Variants in UTP20 observed in about 807,000 individuals in gnomAD.
UTP20 encodes UTP20 small subunit processome component.
In UTP20, 164 loss-of-function variants were observed where a neutral mutation model predicts 329.5. The observed-to-expected ratio is 0.50, with a 90% CI of 0.44 to 0.57. The LOEUF (loss-of-function observed/expected upper bound fraction) is 0.57, where lower values mean the gene tolerates loss of function less well. UTP20 is among the 20% of genes least tolerant of loss of function. The probability of loss-of-function intolerance (pLI) is 0.00; values close to 1 mark genes in which losing one functional copy is unlikely to be tolerated. For missense variants in UTP20, 3,055 were observed against 3,284.2 expected (o/e 0.93, Z 1.71); for synonymous variants, 1,151 against 1,159.3 (o/e 0.99, Z 0.14).
chr12:101,379,518 C>G lies in UTP20; in HGVS notation c.7544C>G (p.Pro2515Arg). 2 of 1,613,894 alleles carry G rather than the reference C, an allele frequency of 1.2e-6. No individual in the cohort carries two copies. The highest frequency in any genetic ancestry group is 1.1e-5 in the South Asian group (1 of 91,052). The change falls in exon 57 of 62, where the codon CCT (proline) becomes CGT (arginine). Residue 2515 changes from proline to arginine, a missense_variant. Transcript: ENST00000261637. ...TKKTKKHLPE[P>R]VAIKFLASDL... ...AAGACCAAAAAACACCTCCCAGAAC[C>G]TGTAGCAATCAAGTTCCTAGCCAGT...
Position 101,353,024 on chromosome 12 carries a change from C to T in UTP20, c.5025-23C>T, listed in dbSNP as rs775946570. ...GATATTAATAATCAAATGAACATTT[C>T]TGTATACTTTTTTTTTTAACAGTTT... On this transcript the variant is annotated intron_variant, in intron 39 of 61. Coordinates refer to ENST00000261637, the MANE Select transcript of UTP20 (RefSeq NM_014503.3). 11 of 1,457,232 alleles carry T rather than the reference C, an allele frequency of 7.5e-6. No homozygotes were observed. In the East Asian group the frequency reaches 1.6e-4, roughly 21 times the overall value. 90.3% of individuals were successfully genotyped at this position (1,457,232 alleles called of 1,614,324 possible).
intron 25 of UTP20, among the ~76,000 whole-genome samples, chr12:101,324,459 T>G (rs954851114): frequency 6.6e-6 from 1 of 152,028 alleles, no homozygotes; most frequent in Non-Finnish European, 1.5e-5. Flanking sequence ...TTTTGTATTT[T>G]TTTGTAGAGA....
chr12:101,289,784 G>A (rs1318818166), intron 6 of UTP20: 2 of 152,246 alleles, frequency 1.3e-5, no homozygotes, highest in Admixed American at 6.5e-5. Context: ...GAGGGTTTTT[G>A]TAATAAAACA....
intron 10 of UTP20, 106 bp downstream of exon 10, chr12:101,292,210 G>C: frequency 8.0e-7 from 1 of 1,254,378 alleles, no homozygotes; most frequent in Non-Finnish European, 1.1e-6. Flanking sequence ...TGCCCTCAAG[G>C]AATTTATAAT....
At chr12:101,349,279 C>T (rs1218732646) in intron 38 of UTP20, among the ~76,000 whole-genome samples, 2 of 151,196 alleles carry the variant, frequency 1.3e-5, no homozygotes, top group East Asian at 1.9e-4. Flanking sequence ...CATCTCTTTA[C>T]CTTTGGTTTT....
At position 101,312,220 on chromosome 12, in the gene UTP20, A is replaced by C. The variant is rs955656585; in HGVS notation, c.2496A>C (p.Pro832=). The change falls in exon 21 of 62, where the codon CCA becomes CCC. Residue 832 remains proline, a synonymous_variant. Transcript: ENST00000261637. ...FLLWRALTKF[P]ERVEPRSREL... Reference sequence around the variant, plus strand: ...TCTGGAGAGCTCTGACCAAATTCCCAGAAAGAGTAGAGCCACGGTCCAGGG... The same window carrying C: ...TCTGGAGAGCTCTGACCAAATTCCCCGAAAGAGTAGAGCCACGGTCCAGGG... 3 of 1,614,120 alleles carry C rather than the reference A, an allele frequency of 1.9e-6. No individual in the cohort carries two copies. In the African/African-American group the frequency reaches 4.0e-5, roughly 22 times the overall value.
At position 101,353,621 on chromosome 12, in the gene UTP20, A is replaced by T. The variant is rs573453365; in HGVS notation, c.5107+492A>T. Among the ~76,000 whole-genome samples the T allele has an allele frequency of 3.9e-4, 60 of 152,272 alleles. No homozygotes were observed. In the South Asian group the frequency reaches 4.8e-3, roughly 12 times the overall value. ...AAGGCTAAGGCAGAAGGATCAGTGGAGCCTAGGAGCTGGCTGCAGTGAGCT... is the reference window on the plus strand; with the variant it reads ...AAGGCTAAGGCAGAAGGATCAGTGGTGCCTAGGAGCTGGCTGCAGTGAGCT... On this transcript the variant is annotated intron_variant, in intron 40 of 61. Transcript: ENST00000261637.
intron 26 of UTP20, among the ~76,000 whole-genome samples, chr12:101,328,687 G>A (rs1868646854): frequency 6.6e-6 from 1 of 152,104 alleles, no homozygotes; most frequent in East Asian, 1.9e-4. Flanking sequence ...TGGCCAACAT[G>A]GTGAAACTCC....
At chr12:101,314,493 C>A (rs1872900757) in intron 21 of UTP20, among the ~76,000 whole-genome samples, 1 of 151,908 alleles carries the variant, frequency 6.6e-6, no homozygotes, top group Non-Finnish European at 1.5e-5. Context: ...CCTGTCTGTA[C>A]TAAAAATACA....
At chr12:101,354,520 G>A (rs1405039802) in intron 40 of UTP20, among the ~76,000 whole-genome samples, 1 of 152,118 alleles carries the variant, frequency 6.6e-6, no homozygotes. Flanking sequence ...ATGAAGGGAG[G>A]TGCTTTATTT....
Position 101,367,975 on chromosome 12 carries a change from A to G in UTP20, c.6383A>G (p.Lys2128Arg), listed in dbSNP as rs117476305. 16,796 of 1,605,368 alleles carry G rather than the reference A, an allele frequency of 0.01. 112 individuals are homozygous for G. Among genetic ancestry groups the G allele is most frequent in the Non-Finnish European group, 0.012 (14,318 of 1,172,176 alleles). ...GACTGCCTGGGCTCCATGGATGTGA[A>G]GGTAAGCATCGGTTTGCACTCTGCA... ...LIDCLGSMDV[K>R]VITGALQCLI... Residue 2128 changes from lysine to arginine, a missense_variant and splice_region_variant, in exon 48 of 62, where the codon AAG becomes AGG. Physicochemically the swap from Lys to Arg is conservative, Grantham distance 26. Transcript: ENST00000261637.
chr12:101,311,381 G>A (rs1459408826), intron 19 of UTP20, among the ~76,000 whole-genome samples: 1 of 152,132 alleles, frequency 6.6e-6, no homozygotes, highest in African/African-American at 2.4e-5. Context: ...TGAACAAACT[G>A]ACTTTTCTCT....
chr12:101,314,248 C>T (rs1363821350), intron 21 of UTP20, among the ~76,000 whole-genome samples: 1 of 152,150 alleles, frequency 6.6e-6, no homozygotes, highest in Non-Finnish European at 1.5e-5. Flanking sequence ...TCTGAAAAGT[C>T]CATCAGGTGA....
At position 101,338,111 on chromosome 12, in the gene UTP20, T is replaced by G. The variant is rs1180240270; in HGVS notation, c.3702T>G (p.Asn1234Lys). 1 of 1,614,066 alleles carries G rather than the reference T, an allele frequency of 6.2e-7. No individual in the cohort carries two copies. Among genetic ancestry groups the G allele is most frequent in the East Asian group, 2.2e-5 (1 of 44,886 alleles). The change falls in exon 30 of 62, where the codon AAT (asparagine) becomes AAG (lysine). Residue 1234 changes from asparagine (N) to lysine (K), a missense_variant. Physicochemically the swap from Asn to Lys is moderately conservative, Grantham distance 94 (BLOSUM62 0). Transcript: ENST00000261637. ...PGHPECDILT[N>K]VFAILSAKNL... ...ACCCAGAATGTGATATCCTGACCAA[T>G]GTTTTTGCAATTCTCTCAGCGAAGA...
intron 51 of UTP20, 117 bp from the exon 52 acceptor site, chr12:101,372,763 CTGAT>C (rs1327587833): frequency 7.0e-6 from 5 of 717,408 alleles, no homozygotes; most frequent in South Asian, 1.7e-5. Context: ...ATTGGAAAGC[CTGAT>C]TGATTGCCAT....
chr12:101,384,608 T>G (rs889989641), intron 60 of UTP20, among the ~76,000 whole-genome samples: 8 of 152,236 alleles, frequency 5.3e-5, no homozygotes, highest in Non-Finnish European at 1.2e-4. Flanking sequence ...TAAAATATCA[T>G]TTTAACATTT....
At chr12:101,293,863 C>T (rs1872253528) in intron 11 of UTP20, among the ~76,000 whole-genome samples, 1 of 152,108 alleles carries the variant, frequency 6.6e-6, no homozygotes, top group Admixed American at 6.5e-5. Context: ...TTTCCTTTCT[C>T]CCGTGTTCCC....
At position 101,311,779 on chromosome 12, in the gene UTP20, A is replaced by C. The variant is rs1872800733; in HGVS notation, c.2292A>C (p.Glu764Asp). ...GGAAAGTCTACTATGAGCATCTAGA[A>C]AAAGCAGCTACGCATGCTGGTATGT... ...QFWKVYYEHL[E>D]KAATHAEKEL... The change falls in exon 20 of 62, where the codon GAA becomes GAC. Residue 764 changes from glutamate (E) to aspartate (D), a missense_variant. Transcript: ENST00000261637. 6.2e-7 allele frequency: 1 copy of C among 1,613,518 alleles called. No homozygotes were observed. Among genetic ancestry groups the C allele is most frequent in the Non-Finnish European group, 8.5e-7 (1 of 1,179,914 alleles).
rs185443674 is a variant in UTP20 at position 101,371,208 on chromosome 12, C to A, written c.6798+40C>A. 6 of 1,435,070 alleles carry A rather than the reference C, an allele frequency of 4.2e-6. No individual in the cohort carries two copies. The African/African-American group carries it at 5.8e-5, about 14-fold the overall frequency. The allele number at this position is 1,435,070 out of a possible 1,614,324, so 88.9% of individuals were successfully genotyped here. A position where few individuals can be genotyped will look rare whatever the true frequency, so the allele number is the denominator to read the frequency against. ...CTTATCCCCATAGCAAGGGCTGGGC[C>A]CTGCCGCATCTTTGTGGCAGAGGTG... On this transcript the variant is annotated intron_variant, in intron 51 of 61. Coordinates refer to ENST00000261637, the MANE Select transcript of UTP20 (RefSeq NM_014503.3).
Sources: allele counts gnomAD v4.1 joint callset (sites outside exome capture counted in the v4.1 genomes callset), GRCh38; gene constraint gnomAD v4.1.1; transcripts MANE v1.5; gene names NCBI Gene and HGNC (gene_info 2026-07-23, HGNC 2026-07-21).